The following ZNF285 variants were observed in gnomAD, a reference collection of about 807,000 sequenced individuals.
The protein encoded by ZNF285 is zinc finger protein 285A.
Under a neutral mutation model 6.2 loss-of-function variants are expected in ZNF285, and 4 were observed. That is an observed-to-expected ratio of 0.65 (90% CI 0.32 to 1.49). The LOEUF is 1.49. Ranked by LOEUF, ZNF285 falls within the 40% of genes most tolerant of loss-of-function variation. The probability of loss-of-function intolerance (pLI) is 0.07; values close to 1 mark genes in which losing one functional copy is unlikely to be tolerated. For synonymous variants in ZNF285, 240 were observed against 245.8 expected (o/e 0.98, Z 0.22); for missense variants, 695 against 708.8 (o/e 0.98, Z 0.22).
intron 1 of ZNF285, among the ~76,000 whole-genome samples, chr19:44,401,267 G>C (rs1367233298): frequency 6.6e-6 from 1 of 152,064 alleles, no homozygotes; most frequent in African/African-American, 2.4e-5. Flanking sequence ...CCTAAGCTTC[G>C]ACCCGAGGAG....
intron 3 of ZNF285, among the ~76,000 whole-genome samples, chr19:44,391,339 CAG>C (rs1413644455): frequency 6.6e-6 from 1 of 151,740 alleles, no homozygotes; most frequent in Non-Finnish European, 1.5e-5. Flanking sequence ...AGTGTGAAAA[CAG>C]AGTAATACAT....
In ZNF285 at chr19:44,386,523, T is replaced by C. The variant is rs73039936; in HGVS notation, c.1722A>G (p.Gly574=). The change falls in exon 4 of 4, where the codon GGA becomes GGG. Residue 574 remains glycine, a synonymous_variant. Transcript: ENST00000614994. ...DETQYTHCER[G]KDLLTHQRLH... ...GTCTTTGATGAGTCAGAAGGTCCTT[T>C]CCACGCTCACAGTGTGTGTACTGTG... The C allele has an allele frequency of 5.6e-6, 9 of 1,611,084 alleles. No homozygotes were observed. Among genetic ancestry groups the C allele is most frequent in the Middle Eastern group, 1.6e-4 (1 of 6,068 alleles).
chr19:44,386,934 G>A lies in ZNF285; in HGVS notation c.1311C>T (p.Phe437=). 1.2e-6 allele frequency: 2 copies of A among 1,614,154 alleles called. No individual in the cohort carries two copies. The highest frequency in any genetic ancestry group is 2.2e-5 in the South Asian group (2 of 91,082). ...PYRCGECGKG[F]SQCTHLHIHQ... Reference sequence around the variant, plus strand: ...GAATGTGAAGGTGTGTACATTGGCTGAAGCCCTTTCCACACTCACCACACC... The same window carrying A: ...GAATGTGAAGGTGTGTACATTGGCTAAAGCCCTTTCCACACTCACCACACC... Residue 437 remains phenylalanine (F), a synonymous_variant, in exon 4 of 4, where the codon TTC becomes TTT. Coordinates refer to ENST00000614994, the MANE Select transcript of ZNF285 (RefSeq NM_152354.6).
chr19:44,395,282 C>G (rs1971261621), intron 2 of ZNF285, among the ~76,000 whole-genome samples: 1 of 152,132 alleles, frequency 6.6e-6, no homozygotes, highest in Non-Finnish European at 1.5e-5. Flanking sequence ...CTTCCACTTA[C>G]AAGAAATACT....
rs775303880 is a variant in ZNF285, at chr19:44,386,425, A to G, written c.*47T>C. ...GCTGAGTAAGCCTCTATCATCTGGA[A>G]TACAGTGTGGCTTCTGTTTTACTAA... is the stretch of plus-strand genomic sequence containing the variant. On this transcript the variant is annotated 3_prime_UTR_variant, in exon 4 of 4. Coordinates refer to ENST00000614994, the MANE Select transcript of ZNF285 (RefSeq NM_152354.6). The G allele has an allele frequency of 2.5e-6, 4 of 1,571,196 alleles. No homozygotes were observed. Among genetic ancestry groups the G allele is most frequent in the East Asian group, 2.2e-5 (1 of 44,470 alleles).
intron 3 of ZNF285, among the ~76,000 whole-genome samples, chr19:44,388,334 C>G (rs1036045511): frequency 6.6e-6 from 1 of 151,968 alleles, no homozygotes; most frequent in African/African-American, 2.4e-5. Context: ...AACAGCAACA[C>G]TTTGAGAGGC....
intron 2 of ZNF285, among the ~76,000 whole-genome samples, chr19:44,394,207 A>G (rs574430600): frequency 1.3e-5 from 2 of 152,176 alleles, no homozygotes; most frequent in Non-Finnish European, 2.9e-5. Flanking sequence ...TGGGAATTGA[A>G]CAATGAGAAT....
intron 1 of ZNF285, among the ~76,000 whole-genome samples, chr19:44,399,887 T>C (rs1407230970): frequency 6.6e-6 from 1 of 151,898 alleles, no homozygotes; most frequent in Non-Finnish European, 1.5e-5. Context: ...GAGGGAGCAG[T>C]CCCTGGAGCC....
rs1164376641 is a variant in ZNF285, at chr19:44,386,866, AC to A, written c.1378del (p.Val460CysfsTer104). On this transcript the variant is annotated frameshift_variant, in exon 4 of 4. Transcript: ENST00000614994. LOFTEE classifies it low-confidence loss of function (END_TRUNC). Reference protein sequence around the residue: ...HTGEKPYKCNVCGKDFAYSSV... With the variant: ...HTGEKPYKCNXCGKDFAYSSV... ...GCTATACGCAAAATCCTTTCCACAC[AC>A]ATTGCATTTGTATGGTTTCTCCCCT... The A allele has an allele frequency of 6.2e-7, 1 of 1,614,032 alleles. No individual in the cohort carries two copies. Among genetic ancestry groups the A allele is most frequent in the Non-Finnish European group, 8.5e-7 (1 of 1,180,030 alleles).
At chr19:44,390,622 G>A (rs1209938215) in intron 3 of ZNF285, among the ~76,000 whole-genome samples, 1 of 152,078 alleles carries the variant, frequency 6.6e-6, no homozygotes, top group Non-Finnish European at 1.5e-5. Context: ...AGACTTTGTG[G>A]GACTGTTGGG....
Position 44,386,290 on chromosome 19 carries a change from T to C in ZNF285, c.*182A>G. 1.5e-6 allele frequency: 1 copy of C among 652,608 alleles called. No homozygotes were observed. The highest frequency in any genetic ancestry group is 2.5e-6 in the Non-Finnish European group (1 of 394,566). 40.4% of individuals were successfully genotyped at this position (652,608 alleles called of 1,614,324 possible). On this transcript the variant is annotated 3_prime_UTR_variant, in exon 4 of 4. Coordinates refer to ENST00000614994, the MANE Select transcript of ZNF285 (RefSeq NM_152354.6). ...GTAGCATACAGCAGTTGATGGGAGC[T>C]TCACAGAAGTTCTTGAAATCCACAG... is the stretch of plus-strand genomic sequence containing the variant.
intron 3 of ZNF285, among the ~76,000 whole-genome samples, chr19:44,391,515 A>G (rs1448046531): frequency 7.2e-5 from 11 of 152,184 alleles, no homozygotes; most frequent in East Asian, 1.9e-4. Flanking sequence ...AGGTGAAGGA[A>G]GAGCAAAGGG....
rs1429304261 is a variant in ZNF285, at chr19:44,386,395, CA to C, written c.*76del. The C allele has an allele frequency of 6.7e-7, 1 of 1,486,316 alleles. No homozygotes were observed. The highest frequency in any genetic ancestry group is 9.1e-7 in the Non-Finnish European group (1 of 1,104,470). The allele number at this position is 1,486,316 out of a possible 1,614,324, so 92.1% of individuals were successfully genotyped here. A position where few individuals can be genotyped will look rare whatever the true frequency, so the allele number is the denominator to read the frequency against. On this transcript the variant is annotated 3_prime_UTR_variant, in exon 4 of 4. Coordinates refer to ENST00000614994, the MANE Select transcript of ZNF285 (RefSeq NM_152354.6). ...CTGTCTTTTGCTCCCCTAGCCCTCC[CA>C]CAGGCTGAGTAAGCCTCTATCATCT... is the stretch of plus-strand genomic sequence containing the variant.
chr19:44,394,814 C>T lies in ZNF285; in HGVS notation c.16-2348G>A, dbSNP rs556838229. On this transcript the variant is annotated intron_variant, in intron 2 of 3. Coordinates refer to ENST00000614994, the MANE Select transcript of ZNF285 (RefSeq NM_152354.6). ...ACCAAAATCTGACAATGATTAAAAA[C>T]AAAATCTAGGGGAGTCAGCACGGTT... Among the ~76,000 whole-genome samples, 11 of 152,244 alleles carry T rather than the reference C, an allele frequency of 7.2e-5. No individual in the cohort carries two copies. The South Asian group carries it at 2.1e-3, about 29-fold the overall frequency.
intron 1 of ZNF285, among the ~76,000 whole-genome samples, chr19:44,397,780 A>G (rs1971307804): frequency 6.6e-6 from 1 of 151,680 alleles, no homozygotes; most frequent in Non-Finnish European, 1.5e-5. Flanking sequence ...GCTACTCAGG[A>G]GGCTGAGGCA....
intron 2 of ZNF285, 149 bp from the exon 3 acceptor site, chr19:44,392,615 T>A (rs1971216700): frequency 6.9e-7 from 1 of 1,448,392 alleles, no homozygotes; most frequent in Non-Finnish European, 9.4e-7. Context: ...AAGTCTAAGA[T>A]CAAGTACCAC....
intron 3 of ZNF285, 63 bp downstream of exon 3, chr19:44,392,272 ATATTC>A: frequency 6.2e-7 from 1 of 1,601,836 alleles, no homozygotes; most frequent in Non-Finnish European, 8.5e-7. Flanking sequence ...TCTAACTGGA[ATATTC>A]TATCTGGTTT....
intron 2 of ZNF285, chr19:44,396,886 AT>A: frequency 3.0e-6 from 1 of 336,416 alleles, no homozygotes; most frequent in South Asian, 4.9e-5. Context: ...GCAACACCAA[AT>A]TTCTGTAAGT....
At chr19:44,389,738 C>T (rs899246947) in intron 3 of ZNF285, among the ~76,000 whole-genome samples, 7 of 152,104 alleles carry the variant, frequency 4.6e-5, no homozygotes, top group African/African-American at 1.2e-4. Context: ...CCCACTAACA[C>T]GTCATCTGGC....
Sources: gnomAD v4.1 joint callset for allele counts (sites outside exome capture counted in the v4.1 genomes callset) on GRCh38, gnomAD v4.1.1 for gene constraint, MANE v1.5 for transcripts, NCBI Gene and HGNC (gene_info 2026-07-23, HGNC 2026-07-21) for gene names.